Variants in SPATA31A6 observed in about 807,000 individuals in gnomAD.
The protein encoded by SPATA31A6 is spermatogenesis-associated protein 31A6.
In SPATA31A6, 9 loss-of-function variants were observed where a neutral mutation model predicts 11.9. That is an observed-to-expected ratio of 0.76 (90% CI 0.46 to 1.32). The LOEUF (loss-of-function observed/expected upper bound fraction) is 1.32, where lower values mean the gene tolerates loss of function less well. SPATA31A6 is among the 40% of genes most tolerant of loss of function. The probability of loss-of-function intolerance (pLI) is 0.00; values close to 1 mark genes in which losing one functional copy is unlikely to be tolerated. For missense variants in SPATA31A6, 855 were observed against 1,467.3 expected (o/e 0.58, Z 6.82); for synonymous variants, 314 against 572.1 (o/e 0.55, Z 6.44).
rs187066327 is a variant in SPATA31A6 at position 42,185,616 on chromosome 9, C to A, written c.248-79C>A. 58 of 1,367,758 alleles carry A rather than the reference C, an allele frequency of 4.2e-5. 3 individuals are homozygous for A. Among genetic ancestry groups the A allele is most frequent in the Non-Finnish European group, 5.5e-5 (54 of 990,816 alleles). 84.7% of individuals were successfully genotyped at this position (1,367,758 alleles called of 1,614,324 possible). ...AGGGTCTAATTCCCCATGGTCCTCCCTAAAGAAACAGCCACTCAGCCTCCT... is the reference window on the plus strand; with the variant it reads ...AGGGTCTAATTCCCCATGGTCCTCCATAAAGAAACAGCCACTCAGCCTCCT... On this transcript the variant is annotated intron_variant, in intron 2 of 3. Transcript: ENST00000332857.
At position 42,183,860 on chromosome 9, in the gene SPATA31A6, C is replaced by G; in HGVS notation, c.173C>G (p.Ser58Trp). 6.5e-7 allele frequency: 1 copy of G among 1,532,020 alleles called. No homozygotes were observed. The highest frequency in any genetic ancestry group is 8.8e-7 in the Non-Finnish European group (1 of 1,137,706). The allele number at this position is 1,532,020 out of a possible 1,614,324, so 94.9% of individuals were successfully genotyped here. A position where few individuals can be genotyped will look rare whatever the true frequency, so the allele number is the denominator to read the frequency against. Residue 58 changes from serine (S) to tryptophan (W), a missense_variant, in exon 1 of 4, where the codon TCG becomes TGG. Coordinates refer to ENST00000332857, the MANE Select transcript of SPATA31A6 (RefSeq NM_001145196.1). ...CATTGTGATGACCCACCCTCACCAT[C>G]GCCTGGGAAGAGAAAGGTAAGGAAC... ...YFHCDDPPSP[S>W]PGKRKCPVGR...
In SPATA31A6 at chr9:42,187,261, C is replaced by T. The variant is rs965119222; in HGVS notation, c.1559C>T (p.Ala520Val). Residue 520 changes from alanine (A) to valine (V), a missense_variant, in exon 4 of 4, where the codon GCT (alanine) becomes GTT (valine). Coordinates refer to ENST00000332857, the MANE Select transcript of SPATA31A6 (RefSeq NM_001145196.1). ...FPSLIKNTGV[A>V]CPASQNKVQA... ...TCCCTGATTAAGAACACTGGAGTAG[C>T]TTGCCCTGCATCGCAGAATAAAGTG... is the stretch of plus-strand genomic sequence containing the variant. The T allele has an allele frequency of 1.2e-5, 19 of 1,542,420 alleles. 4 individuals are homozygous for T. The highest frequency in any genetic ancestry group is 1.7e-5 in the Non-Finnish European group (19 of 1,138,026).
In SPATA31A6 at chr9:42,187,197, C is replaced by G. The variant is rs748264777; in HGVS notation, c.1495C>G (p.Leu499Val). 1 of 1,543,382 alleles carries G rather than the reference C, an allele frequency of 6.5e-7. No homozygotes were observed. The highest frequency in any genetic ancestry group is 8.8e-7 in the Non-Finnish European group (1 of 1,138,184). ...PMAQAEAQAH[L>V]QSSFPVLSPA... ...GGCTCAGGCCGAGGCTCAGGCCCAT[C>G]TTCAGTCTTCTTTCCCAGTCCTATC... The change falls in exon 4 of 4, where the codon CTT (leucine) becomes GTT (valine). Residue 499 changes from leucine to valine, a missense_variant. Leu to Val is a conservative substitution (Grantham distance 32, BLOSUM62 1). Transcript: ENST00000332857.
In SPATA31A6 at chr9:42,186,801, G is replaced by A; in HGVS notation, c.1099G>A (p.Ala367Thr). ...EKHLNSLGNL[A>T]KSLDAEQDTT... ...GCACTTAAATTCTTTGGGGAATTTG[G>A]CTAAATCATTGGATGCTGAGCAGGA... The change falls in exon 4 of 4, where the codon GCT (alanine) becomes ACT (threonine). Residue 367 changes from alanine to threonine, a missense_variant. Coordinates refer to ENST00000332857, the MANE Select transcript of SPATA31A6 (RefSeq NM_001145196.1). 4 of 1,533,816 alleles carry A rather than the reference G, an allele frequency of 2.6e-6. 1 individual carries two copies. Among genetic ancestry groups the A allele is most frequent in the East Asian group, 4.7e-5 (2 of 42,122 alleles).
Position 42,186,589 on chromosome 9 carries a change from C to A in SPATA31A6, c.887C>A (p.Ser296Ter), listed in dbSNP as rs1420233759. 6 of 1,531,830 alleles carry A rather than the reference C, an allele frequency of 3.9e-6. 1 individual carries two copies. The highest frequency in any genetic ancestry group is 4.4e-6 in the Non-Finnish European group (5 of 1,136,824). 94.9% of individuals were successfully genotyped at this position (1,531,830 alleles called of 1,614,324 possible). A position where few individuals can be genotyped will look rare whatever the true frequency, so the allele number is the denominator to read the frequency against. ...TARTSCAFNS[S>*]VQQDPLSRHP... is the part of the protein sequence containing the mutation. ...AGAACCTCGTGCGCCTTTAACTCAT[C>A]AGTCCAGCAAGATCCTCTTTCCCGC... Residue 296 changes from serine to a stop codon, truncating the protein, a stop_gained, in exon 4 of 4, where the codon TCA (serine) becomes TAA (stop). Coordinates refer to ENST00000332857, the MANE Select transcript of SPATA31A6 (RefSeq NM_001145196.1). LOFTEE classifies it low-confidence loss of function (END_TRUNC).
chr9:42,188,910 G>T lies in SPATA31A6; in HGVS notation c.3208G>T (p.Asp1070Tyr), dbSNP rs1829512987. ...CATGCGGGCTTCCCAGGAGCTACAT[G>T]ACCTCATGGCAGCCAGAAGGAGCAA... is the stretch of plus-strand genomic sequence containing the variant. ...GNMRASQELH[D>Y]LMAARRSKLV... The change falls in exon 4 of 4, where the codon GAC becomes TAC. Residue 1070 changes from aspartate to tyrosine, a missense_variant. By Grantham distance (160) the Asp-to-Tyr change is radical. Coordinates refer to ENST00000332857, the MANE Select transcript of SPATA31A6 (RefSeq NM_001145196.1). 6.5e-7 allele frequency: 1 copy of T among 1,540,026 alleles called. No individual in the cohort carries two copies. The highest frequency in any genetic ancestry group is 1.6e-5 in the African/African-American group (1 of 64,102).
rs188695072 is a variant in SPATA31A6, at chr9:42,183,749, C to T, written c.62C>T (p.Ser21Phe). ...GCCTCATCGCTAAACGCCCCCAGCT[C>T]CACACCATGGGTGTTGGATATCTTC... Reference protein sequence around the residue: ...LSASSLNAPSSTPWVLDIFLT... With the variant: ...LSASSLNAPSFTPWVLDIFLT... Residue 21 changes from serine to phenylalanine, a missense_variant, in exon 1 of 4, where the codon TCC (serine) becomes TTC (phenylalanine). Ser to Phe is a radical substitution (Grantham distance 155). Transcript: ENST00000332857. 948 of 1,535,814 alleles carry T rather than the reference C, an allele frequency of 6.2e-4. 132 individuals are homozygous for T. The highest frequency in any genetic ancestry group is 2.1e-3 in the Middle Eastern group (9 of 4,260).
chr9:42,186,572 G>C lies in SPATA31A6; in HGVS notation c.870G>C (p.Ser290=), dbSNP rs199993033. ...GGTGGCAGGAGACTGCCAGAACCTC[G>C]TGCGCCTTTAACTCATCAGTCCAGC... ...SSRWQETART[S]CAFNSSVQQD... Residue 290 remains serine, a synonymous_variant, in exon 4 of 4, where the codon TCG becomes TCC. Transcript: ENST00000332857. 7.2e-6 allele frequency: 11 copies of C among 1,527,298 alleles called. 3 individuals are homozygous for C. In the Admixed American group the frequency reaches 1.8e-4, roughly 25 times the overall value. 94.6% of individuals were successfully genotyped at this position (1,527,298 alleles called of 1,614,324 possible). A position where few individuals can be genotyped will look rare whatever the true frequency, so the allele number is the denominator to read the frequency against.
In SPATA31A6 at chr9:42,187,157, C is replaced by A; in HGVS notation, c.1455C>A (p.Phe485Leu). Residue 485 changes from phenylalanine (F) to leucine (L), a missense_variant, in exon 4 of 4, where the codon TTC (phenylalanine) becomes TTA (leucine). Phe to Leu is a conservative substitution (Grantham distance 22). Transcript: ENST00000332857. The stretch of plus-strand genomic sequence containing the variant: ...CCTTTATTTCATCCACACCCCAATT[C>A]CTGCCCACACCTATGGCTCAGGCCG... ...RQPFISSTPQ[F>L]LPTPMAQAEA... is the part of the protein sequence containing the mutation. The A allele has an allele frequency of 6.5e-7, 1 of 1,543,050 alleles. No homozygotes were observed. The highest frequency in any genetic ancestry group is 1.2e-5 in the South Asian group (1 of 86,486).
Position 42,184,503 on chromosome 9 carries a change from GTTATTTTATTTTATT to G in SPATA31A6, c.190-538_190-524del, listed in dbSNP as rs201742726. Among the ~76,000 whole-genome samples the G allele has an allele frequency of 4.6e-3, 468 of 102,476 alleles. 81 individuals are homozygous for G. The highest frequency in any genetic ancestry group is 0.018 in the African/African-American group (405 of 22,424). The allele number at this position is 102,476 out of a possible 152,430, so 67.2% of individuals were successfully genotyped here. A position where few individuals can be genotyped will look rare whatever the true frequency, so the allele number is the denominator to read the frequency against. ...TGTGTTATTTTTATTTTATTTGTGT[GTTATTTTATTTTATT>G]TTATTTTATTTTATTTTATTTTATT... is the stretch of plus-strand genomic sequence containing the variant. On this transcript the variant is annotated intron_variant, in intron 1 of 3. Coordinates refer to ENST00000332857, the MANE Select transcript of SPATA31A6 (RefSeq NM_001145196.1).
rs1196421687 is a variant in SPATA31A6 at position 42,184,588 on chromosome 9, G to T, written c.190-481G>T. Among the ~76,000 whole-genome samples, 3 of 135,300 alleles carry T rather than the reference G, an allele frequency of 2.2e-5. 1 individual carries two copies. In the East Asian group the frequency reaches 6.6e-4, roughly 30 times the overall value. The allele number at this position is 135,300 out of a possible 152,430, so 88.8% of individuals were successfully genotyped here. ...TCTGTGACGCAGGTTGCAGTGAAAT[G>T]GAGTGATATAGGCTCACTGCAACCT... is the stretch of plus-strand genomic sequence containing the variant. On this transcript the variant is annotated intron_variant, in intron 1 of 3. Transcript: ENST00000332857.
At position 42,187,371 on chromosome 9, in the gene SPATA31A6, A is replaced by G; in HGVS notation, c.1669A>G (p.Arg557Gly). The G allele has an allele frequency of 6.5e-7, 1 of 1,535,104 alleles. No homozygotes were observed. Among genetic ancestry groups the G allele is most frequent in the Non-Finnish European group, 8.8e-7 (1 of 1,136,210 alleles). Residue 557 changes from arginine to glycine, a missense_variant, in exon 4 of 4, where the codon AGG becomes GGG. Coordinates refer to ENST00000332857, the MANE Select transcript of SPATA31A6 (RefSeq NM_001145196.1). Reference protein sequence around the residue: ...QLEGRLALPSRVQKSQDVFSV... With the variant: ...QLEGRLALPSGVQKSQDVFSV... ...AGAAGGTAGGTTGGCTTTACCCTCT[A>G]GGGTCCAAAAATCTCAGGACGTCTT...
chr9:42,184,800 T>C (rs1359363095), intron 1 of SPATA31A6, among the ~76,000 whole-genome samples: 1 of 137,450 alleles, frequency 7.3e-6, no homozygotes, highest in East Asian at 2.2e-4. Context: ...AGTGCTTGGA[T>C]TATAGGCGTG....
In SPATA31A6 at chr9:42,185,701, G is replaced by A. The variant is rs779724842; in HGVS notation, c.254G>A (p.Arg85Lys). Reference protein sequence around the residue: ...RMKNHSLRAGRECPRGLEETS... With the variant: ...RMKNHSLRAGKECPRGLEETS... ...CCAGTCTCCTGATTTCCAGCTGGTA[G>A]AGAGTGCCCGAGAGGCCTGGAGGAG... The change falls in exon 3 of 4, where the codon AGA becomes AAA. Residue 85 changes from arginine to lysine, a missense_variant. Physicochemically the swap from Arg to Lys is conservative, Grantham distance 26. Coordinates refer to ENST00000332857, the MANE Select transcript of SPATA31A6 (RefSeq NM_001145196.1). 1 of 1,427,802 alleles carries A rather than the reference G, an allele frequency of 7.0e-7. No homozygotes were observed. Among genetic ancestry groups the A allele is most frequent in the Non-Finnish European group, 9.5e-7 (1 of 1,049,472 alleles). 88.4% of individuals were successfully genotyped at this position (1,427,802 alleles called of 1,614,324 possible). A position where few individuals can be genotyped will look rare whatever the true frequency, so the allele number is the denominator to read the frequency against.
At chr9:42,184,445 G>C (rs1829404339) in intron 1 of SPATA31A6, among the ~76,000 whole-genome samples, 1 of 100,906 alleles carries the variant, frequency 9.9e-6, no homozygotes, top group Non-Finnish European at 2.1e-5. Flanking sequence ...CCCTCTGTGT[G>C]TGTGTGTGTG....
Position 42,189,174 on chromosome 9 carries a change from C to A in SPATA31A6, c.3472C>A (p.His1158Asn). ...PSKKQPPSVS[H>N]FGENIKQFFQ... ...AAAGAAACAGCCTCCTTCAGTAAGC[C>A]ACTTTGGAGAAAACATCAAGCAATT... The change falls in exon 4 of 4, where the codon CAC becomes AAC. Residue 1158 changes from histidine to asparagine, a missense_variant. His to Asn is a moderately conservative substitution (Grantham distance 68). Coordinates refer to ENST00000332857, the MANE Select transcript of SPATA31A6 (RefSeq NM_001145196.1). 1 of 1,543,992 alleles carries A rather than the reference C, an allele frequency of 6.5e-7. No individual in the cohort carries two copies. Among genetic ancestry groups the A allele is most frequent in the Non-Finnish European group, 8.8e-7 (1 of 1,138,446 alleles).
rs1259034208 is a variant in SPATA31A6, at chr9:42,189,639, C to A, written c.3937C>A (p.Pro1313Thr). 1 of 1,556,536 alleles carries A rather than the reference C, an allele frequency of 6.4e-7. No homozygotes were observed. Among genetic ancestry groups the A allele is most frequent in the East Asian group, 2.4e-5 (1 of 41,352 alleles). Reference sequence around the variant, plus strand: ...CTTGCACCCCAAGAAAGCTGTATCCCCAGTCAGTCCCCCTCAGCACTGGCC... The same window carrying A: ...CTTGCACCCCAAGAAAGCTGTATCCACAGTCAGTCCCCCTCAGCACTGGCC... ...QILHPKKAVS[P>T]VSPPQHWPKT... Residue 1313 changes from proline to threonine, a missense_variant, in exon 4 of 4, where the codon CCA becomes ACA. Coordinates refer to ENST00000332857, the MANE Select transcript of SPATA31A6 (RefSeq NM_001145196.1).
Position 42,188,341 on chromosome 9 carries a change from GTC to G in SPATA31A6, c.2641_2642del (p.Leu881SerfsTer22). ...AAAGCATCTGATCACATGCCAGAGAGTCTTCTGGCCTCCTCACCTGCATGGAA... is the reference window on the plus strand; with the variant it reads ...AAAGCATCTGATCACATGCCAGAGAGTTCTGGCCTCCTCACCTGCATGGAA... On this transcript the variant is annotated frameshift_variant, in exon 4 of 4. Coordinates refer to ENST00000332857, the MANE Select transcript of SPATA31A6 (RefSeq NM_001145196.1). LOFTEE classifies it low-confidence loss of function (END_TRUNC). The G allele has an allele frequency of 2.9e-6, 2 of 682,860 alleles. No individual in the cohort carries two copies. The highest frequency in any genetic ancestry group is 4.4e-6 in the Non-Finnish European group (2 of 453,422). 42.3% of individuals were successfully genotyped at this position (682,860 alleles called of 1,614,324 possible). A position where few individuals can be genotyped will look rare whatever the true frequency, so the allele number is the denominator to read the frequency against.
rs1829389393 is a variant in SPATA31A6, at chr9:42,183,744, C to T, written c.57C>T (p.Pro19=). 6 of 1,534,698 alleles carry T rather than the reference C, an allele frequency of 3.9e-6. 2 individuals carry two copies. Among genetic ancestry groups the T allele is most frequent in the South Asian group, 3.4e-5 (3 of 87,328 alleles). The change falls in exon 1 of 4, where the codon CCC becomes CCT. Residue 19 remains proline (P), a synonymous_variant. Transcript: ENST00000332857. The part of the protein sequence containing the change: ...KLLSASSLNA[P]SSTPWVLDIF... ...TTAGTGCCTCATCGCTAAACGCCCCCAGCTCCACACCATGGGTGTTGGATA... is the reference window on the plus strand; with the variant it reads ...TTAGTGCCTCATCGCTAAACGCCCCTAGCTCCACACCATGGGTGTTGGATA...
Sources: gnomAD v4.1 joint callset for allele counts (sites outside exome capture counted in the v4.1 genomes callset) on GRCh38, gnomAD v4.1.1 for gene constraint, MANE v1.5 for transcripts, NCBI Gene and HGNC (gene_info 2026-07-23, HGNC 2026-07-21) for gene names.